PNPLA8: variants seen among roughly 807,000 people sequenced by gnomAD.
PNPLA8 encodes the protein calcium-independent phospholipase A2-gamma.
PNPLA8 carries 39 observed loss-of-function variants against 76.9 expected under a neutral mutation model. That is an observed-to-expected ratio of 0.51 (90% CI 0.39 to 0.66). The LOEUF (loss-of-function observed/expected upper bound fraction) is 0.66, where lower values mean the gene tolerates loss of function less well. PNPLA8 is among the 30% of genes least tolerant of loss of function. PNPLA8 has a pLI of 0.00. For synonymous variants in PNPLA8, 301 were observed against 307.9 expected (o/e 0.98, Z 0.24); for missense variants, 887 against 918.0 (o/e 0.97, Z 0.44).
Position 108,521,495 on chromosome 7 carries a change from C to A in PNPLA8, c.-103G>T. ...ACTTACTTATTAAACTTCAGGTAAT[C>A]ATGTAGACCTTGGAGGAGAAGACAA... On this transcript the variant is annotated 5_prime_UTR_variant, in exon 2 of 11. The change abolishes an upstream ATG in the 5' untranslated region. Coordinates refer to ENST00000257694, the MANE Select transcript of PNPLA8 (RefSeq NM_001256007.3). 1.2e-6 allele frequency: 1 copy of A among 820,752 alleles called. No homozygotes were observed. The highest frequency in any genetic ancestry group is 1.5e-6 in the Non-Finnish European group (1 of 679,502). 50.8% of individuals were successfully genotyped at this position (820,752 alleles called of 1,614,324 possible). A position where few individuals can be genotyped will look rare whatever the true frequency, so the allele number is the denominator to read the frequency against.
chr7:108,506,971 A>G (rs1436828698), intron 4 of PNPLA8, among the ~76,000 whole-genome samples: 1 of 152,190 alleles, frequency 6.6e-6, no homozygotes, highest in Non-Finnish European at 1.5e-5. Context: ...GTTTTTTAAT[A>G]AACCCAAAGG....
chr7:108,490,976 A>T (rs1861123638), intron 8 of PNPLA8, among the ~76,000 whole-genome samples: 1 of 152,220 alleles, frequency 6.6e-6, no homozygotes. Context: ...GACTCAATAT[A>T]TAAAGAATTA....
intron 9 of PNPLA8, 132 bp from the exon 10 acceptor site, chr7:108,479,511 C>T (rs527930025): frequency 8.2e-5 from 53 of 646,082 alleles, no homozygotes; most frequent in Non-Finnish European, 1.2e-4. Flanking sequence ...TAGACTACAG[C>T]TGCAAAAAAA....
intron 4 of PNPLA8, among the ~76,000 whole-genome samples, chr7:108,513,473 C>A (rs1863081049): frequency 6.6e-6 from 1 of 151,902 alleles, no homozygotes; most frequent in South Asian, 2.1e-4. Context: ...TAAAAATAAG[C>A]ACTAATAGAT....
intron 4 of PNPLA8, among the ~76,000 whole-genome samples, chr7:108,509,052 A>C (rs1406929358): frequency 1.7e-5 from 2 of 117,940 alleles, no homozygotes; most frequent in Non-Finnish European, 3.6e-5. Flanking sequence ...TTTAAACGTT[A>C]GACCTAAAAC....
In PNPLA8 at chr7:108,491,456, C is replaced by A. The variant is rs1427080654; in HGVS notation, c.1637G>T (p.Gly546Val). The A allele has an allele frequency of 6.3e-7, 1 of 1,597,604 alleles. No homozygotes were observed. Among genetic ancestry groups the A allele is most frequent in the South Asian group, 1.1e-5 (1 of 90,710 alleles). Residue 546 changes from glycine (G) to valine (V), a missense_variant, in exon 8 of 11, where the codon GGA becomes GTA. Physicochemically the swap from Gly to Val is moderately radical, Grantham distance 109 (BLOSUM62 -3). Transcript: ENST00000257694. Reference protein sequence around the residue: ...TWENILKDRMGSALMIETARN... With the variant: ...TWENILKDRMVSALMIETARN... ...TGCTGTTTCAATCATCAGTGCAGAT[C>A]CCATCCTATCCCTTTATTAAAGGAG...
chr7:108,513,389 A>AT (rs1167633064), intron 4 of PNPLA8, among the ~76,000 whole-genome samples: 1 of 152,032 alleles, frequency 6.6e-6, no homozygotes, highest in African/African-American at 2.4e-5. Context: ...TTCAAAGACA[A>AT]TTTTTCAACA....
intron 4 of PNPLA8, among the ~76,000 whole-genome samples, chr7:108,504,389 C>A (rs1862187730): frequency 6.6e-6 from 1 of 151,232 alleles, no homozygotes; most frequent in African/African-American, 2.4e-5. Flanking sequence ...ATATCAGATA[C>A]CTATGAATTA....
At chr7:108,523,908 T>C (rs958209392) in intron 1 of PNPLA8, among the ~76,000 whole-genome samples, 1 of 152,088 alleles carries the variant, frequency 6.6e-6, no homozygotes, top group African/African-American at 2.4e-5. Context: ...CAGCCAAGAA[T>C]GGGGTAAAGA....
intron 4 of PNPLA8, among the ~76,000 whole-genome samples, chr7:108,505,335 TA>T (rs1563967920): frequency 0.014 from 142 of 9,822 alleles, 1 homozygote; most frequent in Non-Finnish European, 0.019. Context: ...TATATATATA[TA>T]TATATATATA....
intron 10 of PNPLA8, among the ~76,000 whole-genome samples, chr7:108,476,799 T>A (rs1183968088): frequency 2.0e-5 from 3 of 152,200 alleles, no homozygotes; most frequent in Admixed American, 1.3e-4. Flanking sequence ...AGAATCCTAT[T>A]CTGCCTTAAA....
Position 108,515,053 on chromosome 7 carries a change from G to A in PNPLA8, c.439C>T (p.Gln147Ter). 1 of 1,607,152 alleles carries A rather than the reference G, an allele frequency of 6.2e-7. No homozygotes were observed. Among genetic ancestry groups the A allele is most frequent in the Non-Finnish European group, 8.5e-7 (1 of 1,179,634 alleles). The change falls in exon 3 of 11, where the codon CAG becomes TAG. Residue 147 changes from glutamine (Q) to a stop codon, truncating the protein, a stop_gained. Coordinates refer to ENST00000257694, the MANE Select transcript of PNPLA8 (RefSeq NM_001256007.3). LOFTEE classifies it high-confidence loss of function. ...RKVSDSGWLK[Q>*]KNIKQAIKSL... Reference sequence around the variant, plus strand: ...TTGATGGCTTGTTTGATGTTTTTCTGTTTTAACCAGCCACTATCCGATACT... The same window carrying A: ...TTGATGGCTTGTTTGATGTTTTTCTATTTTAACCAGCCACTATCCGATACT...
intron 9 of PNPLA8, among the ~76,000 whole-genome samples, chr7:108,484,867 G>C (rs1255225826): frequency 6.6e-6 from 1 of 152,126 alleles, no homozygotes; most frequent in African/African-American, 2.4e-5. Flanking sequence ...AGCTAGCACA[G>C]TGCCTAACAC....
intron 2 of PNPLA8, among the ~76,000 whole-genome samples, chr7:108,520,502 G>A (rs1432203537): frequency 1.3e-5 from 2 of 152,138 alleles, no homozygotes; most frequent in Non-Finnish European, 2.9e-5. Context: ...CGAACATACA[G>A]TTAGAAGTAA....
chr7:108,499,048 A>G (rs765788886), intron 5 of PNPLA8, among the ~76,000 whole-genome samples: 1 of 152,214 alleles, frequency 6.6e-6, no homozygotes, highest in Admixed American at 6.5e-5. Context: ...GAGAGTTAAG[A>G]TATCTTATGA....
At chr7:108,497,763 T>C (rs1052052478) in intron 5 of PNPLA8, among the ~76,000 whole-genome samples, 186 bp from the exon 6 acceptor site, 1 of 149,008 alleles carries the variant, frequency 6.7e-6, no homozygotes, top group Non-Finnish European at 1.5e-5. Context: ...AAATCTAATA[T>C]CTAAATGATA....
intron 9 of PNPLA8, among the ~76,000 whole-genome samples, chr7:108,484,269 G>A (rs34814097): frequency 0.28 from 42,518 of 152,068 alleles, 6,290 homozygotes; most frequent in African/African-American, 0.32. Context: ...TAGTGGTGAA[G>A]CATACTATCT....
intron 4 of PNPLA8, among the ~76,000 whole-genome samples, chr7:108,505,352 ATTTTTTTTTTTTT>A (rs1164840586): frequency 0.026 from 359 of 13,714 alleles, 3 homozygotes; most frequent in Middle Eastern, 0.062. Context: ...ATATATATAT[ATTTTTTTTTTTTT>A]TTTTTTTTTT....
chr7:108,517,630 G>A (rs989856535), intron 2 of PNPLA8, among the ~76,000 whole-genome samples: 6 of 152,172 alleles, frequency 3.9e-5, no homozygotes, highest in African/African-American at 7.2e-5. Flanking sequence ...TAAAAAGACC[G>A]TGAGAAACCT....
Sources: gnomAD v4.1 joint callset for allele counts (sites outside exome capture counted in the v4.1 genomes callset) on GRCh38, gnomAD v4.1.1 for gene constraint, MANE v1.5 for transcripts, NCBI Gene and HGNC (gene_info 2026-07-23, HGNC 2026-07-21) for gene names.